The following RBM34 variants were observed in gnomAD, a reference collection of about 807,000 sequenced individuals.
RBM34 encodes RNA-binding protein 34.
RBM34 carries 39 observed loss-of-function variants against 44.6 expected under a neutral mutation model. That is an observed-to-expected ratio of 0.87 (90% CI 0.68 to 1.14). RBM34 has a LOEUF of 1.14. Among genes scored for constraint, RBM34 ranks in the 50% most tolerant of loss-of-function variants. The pLI is 0.00. For missense variants in RBM34, 572 were observed against 517.9 expected (o/e 1.10, Z -1.01); for synonymous variants, 194 against 184.0 (o/e 1.05, Z -0.44).
intron 6 of RBM34, among the ~76,000 whole-genome samples, chr1:235,145,978 T>G (rs1049354774): frequency 6.8e-6 from 1 of 148,006 alleles, no homozygotes; most frequent in Non-Finnish European, 1.5e-5. Context: ...TTTTTTTTTT[T>G]TTTTTTTTTT....
At chr1:235,138,425 C>A (rs1318823322) in intron 6 of RBM34, among the ~76,000 whole-genome samples, 4 of 152,176 alleles carry the variant, frequency 2.6e-5, no homozygotes, top group Non-Finnish European at 5.9e-5. Context: ...AACAGATGAA[C>A]CATGTATATG....
At chr1:235,151,357 C>CA (rs1662150301) in intron 5 of RBM34, among the ~76,000 whole-genome samples, 1 of 152,088 alleles carries the variant, frequency 6.6e-6, no homozygotes, top group African/African-American at 2.4e-5. Context: ...GCAAGACACC[C>CA]ACACTAATGC....
At chr1:235,158,664 C>T (rs1432218105) in intron 3 of RBM34, among the ~76,000 whole-genome samples, 1 of 152,060 alleles carries the variant, frequency 6.6e-6, no homozygotes. Context: ...CAGTGATTAA[C>T]AGCTCCAGAA....
At position 235,160,560 on chromosome 1, in the gene RBM34, C is replaced by CT. The variant is rs1662664802; in HGVS notation, c.315dup (p.Val106SerfsTer9). 3.1e-6 allele frequency: 5 copies of CT among 1,613,926 alleles called. No homozygotes were observed. The highest frequency in any genetic ancestry group is 4.2e-6 in the Non-Finnish European group (5 of 1,180,008). ...TTAGTGTGTTTCTTCTTCGCTTTCA[C>CT]TTTTTTGGCAGGTTCTTGCGAAAGT... On this transcript the variant is annotated frameshift_variant, in exon 3 of 11. Transcript: ENST00000408888. LOFTEE classifies it high-confidence loss of function.
chr1:235,144,984 G>A lies in RBM34; in HGVS notation c.701+3420C>T, dbSNP rs1015684262. Among the ~76,000 whole-genome samples, 10 of 152,086 alleles carry A rather than the reference G, an allele frequency of 6.6e-5. No homozygotes were observed. The South Asian group carries it at 8.3e-4, about 13-fold the overall frequency. ...CTTGAACCAGGGAGGCGGAGATTACGGTGAGCTGAGATCACGCCATTGCAC... is the reference window on the plus strand; with the variant it reads ...CTTGAACCAGGGAGGCGGAGATTACAGTGAGCTGAGATCACGCCATTGCAC... On this transcript the variant is annotated intron_variant, in intron 6 of 10. Coordinates refer to ENST00000408888, the MANE Select transcript of RBM34 (RefSeq NM_015014.4).
rs1661202920 is a variant in RBM34, at chr1:235,131,707, T to C, written c.*6A>G. 3.2e-6 allele frequency: 5 copies of C among 1,581,992 alleles called. No individual in the cohort carries two copies. The highest frequency in any genetic ancestry group is 1.4e-5 in the African/African-American group (1 of 72,854). On this transcript the variant is annotated 3_prime_UTR_variant, in exon 11 of 11. Coordinates refer to ENST00000408888, the MANE Select transcript of RBM34 (RefSeq NM_015014.4). Reference sequence around the variant, plus strand: ...CAGCAGGAAAAGAAAAAGCAGTTCCTGGTTGTTATTTCTGTTTTCTCTGTT... The same window carrying C: ...CAGCAGGAAAAGAAAAAGCAGTTCCCGGTTGTTATTTCTGTTTTCTCTGTT...
chr1:235,138,192 AAAG>A lies in RBM34; in HGVS notation c.702-21_702-19del. ...TTTTACGTCTACACCAAAAAAAAAA[AAAG>A]AAAGAAAGAAAAGAGAGACAAGGTA... On this transcript the variant is annotated intron_variant, in intron 6 of 10. Transcript: ENST00000408888. 44 of 1,544,634 alleles carry A rather than the reference AAAG, an allele frequency of 2.8e-5. No individual in the cohort carries two copies. Among genetic ancestry groups the A allele is most frequent in the South Asian group, 4.8e-5 (4 of 83,314 alleles).
chr1:235,147,216 G>T (rs967535299), intron 6 of RBM34, among the ~76,000 whole-genome samples: 1 of 152,160 alleles, frequency 6.6e-6, no homozygotes, highest in Non-Finnish European at 1.5e-5. Flanking sequence ...GGGTGACAGA[G>T]CAAGAGCTTG....
intron 3 of RBM34, 30 bp downstream of exon 3, chr1:235,160,481 T>G: frequency 6.3e-7 from 1 of 1,591,496 alleles, no homozygotes; most frequent in South Asian, 1.1e-5. Flanking sequence ...ATCTAATTTC[T>G]TTAACATCAA....
At chr1:235,148,783 A>G (rs1662025272) in intron 5 of RBM34, among the ~76,000 whole-genome samples, 1 of 151,918 alleles carries the variant, frequency 6.6e-6, no homozygotes, top group Non-Finnish European at 1.5e-5. Flanking sequence ...TATTTTTAGT[A>G]GAGATGCGGT....
Position 235,136,044 on chromosome 1 carries a change from A to T in RBM34, c.879T>A (p.Asn293Lys), listed in dbSNP as rs758723314. 6.9e-6 allele frequency: 11 copies of T among 1,592,858 alleles called. No individual in the cohort carries two copies. The highest frequency in any genetic ancestry group is 9.5e-6 in the Non-Finnish European group (11 of 1,163,254). Residue 293 changes from asparagine to lysine, a missense_variant, in exon 9 of 11, where the codon AAT becomes AAA. Transcript: ENST00000408888. ...SRDKRSVFVGNLPYKVEESAI... is the reference protein window; with the variant it reads ...SRDKRSVFVGKLPYKVEESAI... ...TTTAAACAAACTTACTATAAGGGAG[A>T]TTCCCCACAAAAACCGATCTCTTGT... is the stretch of plus-strand genomic sequence containing the variant.
intron 5 of RBM34, 44 bp downstream of exon 5, chr1:235,152,662 A>C (rs1039886470): frequency 6.3e-7 from 1 of 1,580,850 alleles, no homozygotes; most frequent in Non-Finnish European, 8.6e-7. Context: ...TTTAAATGCA[A>C]TAAATTTTAA....
rs1251594884 is a variant in RBM34, at chr1:235,155,107, C to T, written c.371G>A (p.Ser124Asn). The change falls in exon 4 of 11, where the codon AGC (serine) becomes AAC (asparagine). Residue 124 changes from serine (S) to asparagine (N), a missense_variant. Ser to Asn is a conservative substitution (Grantham distance 46). Transcript: ENST00000408888. Reference protein sequence around the residue: ...NAEKKLADRESALASADLEEE... With the variant: ...NAEKKLADRENALASADLEEE... ...TTCTAAATCAGCACTCGCTAGAGCG[C>T]TTTCCCTTTTTAAGGCAAAAAATAA... is the stretch of plus-strand genomic sequence containing the variant. The T allele has an allele frequency of 2.5e-6, 4 of 1,610,260 alleles. No individual in the cohort carries two copies. The highest frequency in any genetic ancestry group is 1.7e-5 in the Admixed American group (1 of 58,700).
chr1:235,140,956 C>G (rs1158488597), intron 6 of RBM34, among the ~76,000 whole-genome samples: 2 of 152,016 alleles, frequency 1.3e-5, no homozygotes, highest in African/African-American at 4.8e-5. Context: ...GTATCTAGCT[C>G]AAGGTTTGTA....
chr1:235,155,816 CATATACATATATATATATATATATATAT>C (rs1403303226), intron 3 of RBM34, among the ~76,000 whole-genome samples: 82 of 72,744 alleles, frequency 1.1e-3, no homozygotes, highest in African/African-American at 5.3e-3. Context: ...TTTATACATA[CATATACATATATATATATATATATATAT>C]ATATATATAT....
At chr1:235,154,489 A>C (rs1017041545) in intron 4 of RBM34, among the ~76,000 whole-genome samples, 2 of 152,162 alleles carry the variant, frequency 1.3e-5, no homozygotes, top group African/African-American at 4.8e-5. Flanking sequence ...ACTTGAGTCC[A>C]GGAGTTTGAG....
At chr1:235,145,017 T>C (rs994781271) in intron 6 of RBM34, among the ~76,000 whole-genome samples, 1 of 152,172 alleles carries the variant, frequency 6.6e-6, no homozygotes, top group African/African-American at 2.4e-5. Context: ...CACTCCAGCC[T>C]GGGCAACAAG....
chr1:235,138,054 G>A (rs775012554), intron 7 of RBM34, 37 bp downstream of exon 7: 3 of 1,567,818 alleles, frequency 1.9e-6, no homozygotes, highest in Middle Eastern at 1.7e-4. Context: ...ATACTTATAG[G>A]ACAATTATTC....
In RBM34 at chr1:235,161,203, T is replaced by C. The variant is rs756472580; in HGVS notation, c.24A>G (p.Lys8=). ...CCTGGACACTTCTCTTTCTCTTCCG[T>C]TTGCTCATCCCTTCCAAGGCCATTC... MALEGMS[K]RKRKRSVQEG... Residue 8 remains lysine, a synonymous_variant, in exon 1 of 11, where the codon AAA becomes AAG. Transcript: ENST00000408888. 2 of 1,610,654 alleles carry C rather than the reference T, an allele frequency of 1.2e-6. No homozygotes were observed. Among genetic ancestry groups the C allele is most frequent in the South Asian group, 2.2e-5 (2 of 90,782 alleles).
Sources: allele counts gnomAD v4.1 joint callset (sites outside exome capture counted in the v4.1 genomes callset), GRCh38; gene constraint gnomAD v4.1.1; transcripts MANE v1.5; gene names NCBI Gene and HGNC (gene_info 2026-07-23, HGNC 2026-07-21).